The following NME5 variants were observed in gnomAD, a reference collection of about 807,000 sequenced individuals.
The protein encoded by NME5 is nucleoside diphosphate kinase 5.
A neutral mutation model predicts 21.6 loss-of-function variants in NME5; 18 were observed. That is an observed-to-expected ratio of 0.83 (90% CI 0.58 to 1.24). The LOEUF (loss-of-function observed/expected upper bound fraction) is 1.24. Ranked by LOEUF, NME5 falls within the 50% of genes most tolerant of loss-of-function variation. NME5 has a pLI of 0.00. For missense variants in NME5, 223 were observed against 255.4 expected, an observed-to-expected ratio of 0.87 and a Z score of 0.86; for synonymous variants, 70 against 80.6, an observed-to-expected ratio of 0.87 and a Z score of 0.71.
chr5:138,123,467 C>G (rs1751331448), intron 4 of NME5, among the ~76,000 whole-genome samples: 1 of 152,078 alleles, frequency 6.6e-6, no homozygotes, highest in Non-Finnish European at 1.5e-5. Flanking sequence ...CATGTGATAT[C>G]TGTCTTTCTG....
At chr5:138,133,348 T>G (rs770507957) in intron 2 of NME5, among the ~76,000 whole-genome samples, 4 of 151,978 alleles carry the variant, frequency 2.6e-5, no homozygotes, top group Non-Finnish European at 5.9e-5. Flanking sequence ...CCTCATGATC[T>G]GCCGCCTCGG....
rs553401553 is a variant in NME5, at chr5:138,130,318, AG to A, written c.130-851del. Among the ~76,000 whole-genome samples, 305 of 151,788 alleles carry A rather than the reference AG, an allele frequency of 2.0e-3. 2 individuals are homozygous for A. The highest frequency in any genetic ancestry group is 6.9e-3 in the African/African-American group (287 of 41,420). ...GCGCCTGTAGTCCCCACTACATTAG[AG>A]GTGGTGAGCCATGATAACACGACTG... is the stretch of plus-strand genomic sequence containing the variant. On this transcript the variant is annotated intron_variant, in intron 2 of 5. Coordinates refer to ENST00000265191, the MANE Select transcript of NME5 (RefSeq NM_003551.3).
At chr5:138,131,695 T>C (rs1183670053) in intron 2 of NME5, among the ~76,000 whole-genome samples, 1 of 152,156 alleles carries the variant, frequency 6.6e-6, no homozygotes, top group Non-Finnish European at 1.5e-5. Flanking sequence ...TCAGTCTAAT[T>C]TGAAACTCAT....
intron 1 of NME5, 171 bp from the exon 2 acceptor site, chr5:138,138,956 G>A: frequency 1.7e-6 from 1 of 600,046 alleles, no homozygotes; most frequent in Non-Finnish European, 2.8e-6. Flanking sequence ...CTATATACAG[G>A]GTCTCAATAA....
intron 2 of NME5, among the ~76,000 whole-genome samples, chr5:138,134,718 TAA>T (rs1322057241): frequency 6.7e-6 from 1 of 148,184 alleles, no homozygotes; most frequent in Non-Finnish European, 1.5e-5. Flanking sequence ...ACTTAATTAT[TAA>T]GTTTGTCACT....
intron 4 of NME5, among the ~76,000 whole-genome samples, chr5:138,126,731 T>C (rs910152045): frequency 6.6e-6 from 1 of 151,896 alleles, no homozygotes; most frequent in African/African-American, 2.4e-5. Flanking sequence ...CAGTATTGCT[T>C]GAGCCCAGGA....
At chr5:138,127,535 G>A in intron 4 of NME5, 1 of 981,732 alleles carries the variant, frequency 1.0e-6, no homozygotes, top group Non-Finnish European at 1.2e-6. Context: ...AGTCATAACA[G>A]GAAAAATAAC....
chr5:138,135,931 G>GT (rs1346673923), intron 2 of NME5, among the ~76,000 whole-genome samples: 47 of 151,784 alleles, frequency 3.1e-4, no homozygotes, highest in East Asian at 5.8e-4. Flanking sequence ...ATGATTTTGT[G>GT]TTTTTTTTGC....
intron 5 of NME5, among the ~76,000 whole-genome samples, chr5:138,118,490 A>T (rs1751212677): frequency 6.9e-6 from 1 of 145,306 alleles, no homozygotes; most frequent in Admixed American, 6.9e-5. Context: ...TATAGAAAAA[A>T]AAATTTTTTT....
intron 2 of NME5, among the ~76,000 whole-genome samples, chr5:138,136,560 T>C (rs1297171109): frequency 3.9e-5 from 6 of 152,136 alleles, no homozygotes; most frequent in Admixed American, 1.3e-4. Context: ...CAAATCTTTT[T>C]CCCAAGTTTG....
chr5:138,129,887 G>T (rs1346385287), intron 2 of NME5, among the ~76,000 whole-genome samples: 1 of 152,156 alleles, frequency 6.6e-6, no homozygotes, highest in African/African-American at 2.4e-5. Flanking sequence ...AACCCGGGAG[G>T]CGGAGGTTGC....
chr5:138,120,908 A>T (rs1751272862), intron 4 of NME5, among the ~76,000 whole-genome samples: 1 of 152,206 alleles, frequency 6.6e-6, no homozygotes, highest in African/African-American at 2.4e-5. Context: ...CACCTAGCCT[A>T]TTGAACATCA....
intron 4 of NME5, among the ~76,000 whole-genome samples, chr5:138,126,590 A>C (rs891504696): frequency 6.6e-6 from 1 of 151,584 alleles, no homozygotes; most frequent in African/African-American, 2.4e-5. Flanking sequence ...TCCTATGAGT[A>C]AGAAGAGCTT....
intron 3 of NME5, 92 bp from the exon 4 acceptor site, chr5:138,128,671 T>C (rs1389996819): frequency 5.2e-6 from 4 of 764,624 alleles, no homozygotes; most frequent in Non-Finnish European, 8.5e-6. Context: ...TACAAAAGCA[T>C]TGCCACTTCT....
chr5:138,132,632 G>A (rs1454218847), intron 2 of NME5, among the ~76,000 whole-genome samples: 6 of 152,116 alleles, frequency 3.9e-5, no homozygotes, highest in Admixed American at 3.3e-4. Context: ...CCAAAATTCC[G>A]TGTCTCCGCA....
At chr5:138,123,020 T>G (rs1337543963) in intron 4 of NME5, 1 of 152,098 alleles carries the variant, frequency 6.6e-6, no homozygotes, top group Non-Finnish European at 1.5e-5. Context: ...TTAAAATTTC[T>G]TTTTATTTTA....
chr5:138,121,361 A>G (rs1171377896), intron 4 of NME5, among the ~76,000 whole-genome samples: 1 of 152,082 alleles, frequency 6.6e-6, no homozygotes, highest in East Asian at 1.9e-4. Flanking sequence ...CCAGGAGGTC[A>G]GGCTGTAGTG....
intron 2 of NME5, among the ~76,000 whole-genome samples, chr5:138,137,702 G>T (rs4835669): frequency 6.6e-6 from 1 of 151,200 alleles, no homozygotes; most frequent in Non-Finnish European, 1.5e-5. Flanking sequence ...AAGTTCGAAT[G>T]AGAATACTGT....
At chr5:138,138,538 A>G (rs752314273) in intron 2 of NME5, 114 bp downstream of exon 2, 2 of 847,704 alleles carry the variant, frequency 2.4e-6, no homozygotes, top group Non-Finnish European at 3.6e-6. Flanking sequence ...AGAAGAATAA[A>G]CTTAAATTTA....
Sources: gnomAD v4.1 joint callset for allele counts (sites outside exome capture counted in the v4.1 genomes callset) on GRCh38, gnomAD v4.1.1 for gene constraint, MANE v1.5 for transcripts, NCBI Gene and HGNC (gene_info 2026-07-23, HGNC 2026-07-21) for gene names.